SPATA13: variants seen among roughly 807,000 people sequenced by gnomAD.
SPATA13 encodes the protein spermatogenesis associated 13.
In SPATA13, 50 loss-of-function variants were observed where a neutral mutation model predicts 104.0. The observed-to-expected ratio is 0.48, with a 90% CI of 0.38 to 0.61. The LOEUF (loss-of-function observed/expected upper bound fraction) is 0.61, where lower values mean the gene tolerates loss of function less well. Ranked by LOEUF, SPATA13 falls within the 20% of genes least tolerant of loss-of-function variation. SPATA13 has a pLI of 0.00. For synonymous variants in SPATA13, 606 were observed against 667.5 expected (o/e 0.91, Z 1.42); for missense variants, 1,524 against 1,690.6 (o/e 0.90, Z 1.73).
chr13:24,284,144 A>G lies in SPATA13; in HGVS notation c.2174A>G (p.Asp725Gly), dbSNP rs1250372749. 7 of 1,610,972 alleles carry G rather than the reference A, an allele frequency of 4.3e-6. No homozygotes were observed. Among genetic ancestry groups the G allele is most frequent in the Admixed American group, 1.7e-5 (1 of 59,836 alleles). ...GTTTTGTATGTTTTAGTTTCTTCAG[A>G]TGGAGGTACTGAGCCCTCTGCCTTA... is the stretch of plus-strand genomic sequence containing the variant. ...RQMRASNVSS[D>G]GGTEPSALVD... The change falls in exon 5 of 13, where the codon GAT becomes GGT. Residue 725 changes from aspartate (D) to glycine (G), a missense_variant. Asp to Gly is a moderately conservative substitution (Grantham distance 94, BLOSUM62 -1). Coordinates refer to ENST00000382108, the MANE Select transcript of SPATA13 (RefSeq NM_001166271.3).
intron 2 of SPATA13, among the ~76,000 whole-genome samples, chr13:24,014,210 C>T (rs1242971206): frequency 6.6e-6 from 1 of 152,204 alleles, no homozygotes; most frequent in Non-Finnish European, 1.5e-5. Flanking sequence ...CTCCACATTG[C>T]ATTCTCCCTG....
At chr13:24,208,527 T>C (rs1035741715) in intron 1 of SPATA13, among the ~76,000 whole-genome samples, 6 of 151,994 alleles carry the variant, frequency 3.9e-5, no homozygotes, top group African/African-American at 1.2e-4. Flanking sequence ...ACAGCTCACA[T>C]TGGCTTTTCT....
At chr13:24,059,126 C>CA (rs1168925449) in intron 3 of SPATA13, among the ~76,000 whole-genome samples, 2 of 151,782 alleles carry the variant, frequency 1.3e-5, no homozygotes, top group East Asian at 3.9e-4. Flanking sequence ...CGCCCACCAC[C>CA]ATGTCCTGCT....
At chr13:24,180,886 G>A (rs1443703393) in intron 1 of SPATA13, among the ~76,000 whole-genome samples, 2 of 152,012 alleles carry the variant, frequency 1.3e-5, no homozygotes, top group African/African-American at 4.8e-5. Flanking sequence ...TTTCATCTCT[G>A]TGCGAACATT....
chr13:24,176,181 G>A (rs776076138), intron 1 of SPATA13, among the ~76,000 whole-genome samples: 1 of 152,138 alleles, frequency 6.6e-6, no homozygotes, highest in South Asian at 2.1e-4. Context: ...TATTTCTTGA[G>A]AAATTGAAGC....
In SPATA13 at chr13:24,051,773, T is replaced by C. The variant is rs1421546247; in HGVS notation, c.-112+34072T>C. On this transcript the variant is annotated intron_variant, in intron 3 of 14. Transcript: ENST00000424834. The surrounding 1 kb of genome is among the most constrained non-coding windows in gnomAD (Gnocchi z 4.2). The stretch of plus-strand genomic sequence containing the variant: ...ATTGGAGTCAGAGGCAGCAGTGCTA[T>C]CAAAAGTCTAGGCTGCAAGAGCCTG... Among the ~76,000 whole-genome samples the C allele has an allele frequency of 1.3e-5, 2 of 152,082 alleles. No homozygotes were observed. Among genetic ancestry groups the C allele is most frequent in the Non-Finnish European group, 2.9e-5 (2 of 67,996 alleles).
chr13:24,007,141 C>G (rs1208027233), intron 2 of SPATA13, among the ~76,000 whole-genome samples: 2 of 152,170 alleles, frequency 1.3e-5, no homozygotes, highest in East Asian at 3.9e-4. Context: ...TCTGTCAGTG[C>G]CTCTCCTGAT....
rs1181213067 is a variant in SPATA13 at position 24,140,620 on chromosome 13, C to T, written c.-111-82199C>T. ...GTGTGCCCCTGCTCTTGTGCGTGTC[C>T]TTCTGAGACAGCTCTCAAGCTTTAT... is the stretch of plus-strand genomic sequence containing the variant. On this transcript the variant is annotated intron_variant, in intron 3 of 14. Coordinates refer to the SPATA13 transcript ENST00000424834. 2.6e-5 allele frequency among the ~76,000 whole-genome samples: 4 copies of T among 152,244 alleles called. No homozygotes were observed. The South Asian group carries it at 8.3e-4, about 32-fold the overall frequency.
Position 24,185,821 on chromosome 13 carries a change from A to G in SPATA13, c.-112+24889A>G, listed in dbSNP as rs560698219. On this transcript the variant is annotated intron_variant, in intron 1 of 12. Transcript: ENST00000382108. ...CGCACACACATACATCAAGAGACAG[A>G]GAGAGAGAGAGAGATTAAGGAATTG... 1.2e-4 allele frequency among the ~76,000 whole-genome samples: 18 copies of G among 150,234 alleles called. No homozygotes were observed. The East Asian group carries it at 3.5e-3, about 29-fold the overall frequency.
intron 3 of SPATA13, among the ~76,000 whole-genome samples, chr13:24,041,178 A>T (rs1451375519): frequency 6.6e-6 from 1 of 152,244 alleles, no homozygotes; most frequent in Non-Finnish European, 1.5e-5. Context: ...ACAGTAGCTC[A>T]GAACCACACT....
At chr13:24,036,482 G>A (rs983114352) in intron 3 of SPATA13, among the ~76,000 whole-genome samples, 3 of 152,140 alleles carry the variant, frequency 2.0e-5, no homozygotes, top group African/African-American at 4.8e-5. Context: ...GTTTCTTACT[G>A]GTTAGGTGCA....
At chr13:24,285,485 A>T (rs1875864151) in intron 5 of SPATA13, among the ~76,000 whole-genome samples, 1 of 151,942 alleles carries the variant, frequency 6.6e-6, no homozygotes, top group Non-Finnish European at 1.5e-5. Flanking sequence ...GTACTTTTTT[A>T]AAAAGGGGCC....
At chr13:24,268,064 T>C (rs1874377129) in intron 4 of SPATA13, among the ~76,000 whole-genome samples, 1 of 152,228 alleles carries the variant, frequency 6.6e-6, no homozygotes, top group South Asian at 2.1e-4. Context: ...GGCCAGAGGA[T>C]ACTTTCTTTT....
At chr13:24,288,975 A>C in intron 7 of SPATA13, 24 bp from the exon 8 acceptor site, 1 of 1,563,016 alleles carries the variant, frequency 6.4e-7, no homozygotes, top group South Asian at 1.2e-5. Flanking sequence ...TCCAAATAAA[A>C]AGTATTACTT....
chr13:24,198,077 C>A (rs1231338499), intron 1 of SPATA13, among the ~76,000 whole-genome samples: 1 of 152,062 alleles, frequency 6.6e-6, no homozygotes, highest in Non-Finnish European at 1.5e-5. Context: ...CTTACTGCAA[C>A]CTCCACCTCC....
At chr13:24,287,033 C>G in intron 7 of SPATA13, 83 bp downstream of exon 7, 1 of 1,221,022 alleles carries the variant, frequency 8.2e-7, no homozygotes, top group Non-Finnish European at 1.1e-6. Flanking sequence ...ACCTCCACCC[C>G]CCGCCCCCCC....
intron 2 of SPATA13, among the ~76,000 whole-genome samples, chr13:24,002,168 G>T (rs899760912): frequency 9.2e-5 from 14 of 152,064 alleles, no homozygotes; most frequent in Non-Finnish European, 1.3e-4. Flanking sequence ...TCTGTCACAT[G>T]AGGTCATTTA....
chr13:24,301,020 C>T (rs1193891482), intron 12 of SPATA13, among the ~76,000 whole-genome samples: 1 of 152,076 alleles, frequency 6.6e-6, no homozygotes, highest in Non-Finnish European at 1.5e-5. Context: ...ATTAGAATTC[C>T]CTGGGGAAGC....
chr13:24,158,265 G>T (rs1372248562), upstream of SPATA13, among the ~76,000 whole-genome samples: 2 of 152,204 alleles, frequency 1.3e-5, no homozygotes, highest in African/African-American at 4.8e-5. Context: ...GGAAACAACA[G>T]AATGCAGATG....
Sources: allele counts gnomAD v4.1 joint callset (sites outside exome capture counted in the v4.1 genomes callset), GRCh38; gene constraint gnomAD v4.1.1; non-coding constraint Gnocchi (gnomAD v3.1); transcripts MANE v1.5; gene names NCBI Gene and HGNC (gene_info 2026-07-23, HGNC 2026-07-21).